The following GPR141 variants were observed in gnomAD, a reference collection of about 807,000 sequenced individuals.
GPR141 encodes probable G protein-coupled receptor 141.
In GPR141, 6 loss-of-function variants were observed where a neutral mutation model predicts 6.8. The ratio of observed to expected loss-of-function variants is 0.88; its 90% CI spans 0.48 to 1.74. The LOEUF (loss-of-function observed/expected upper bound fraction) is 1.74. Ranked by LOEUF, GPR141 falls within the 40% of genes most tolerant of loss-of-function variation. The probability of loss-of-function intolerance (pLI) is 0.01; values close to 1 mark genes in which losing one functional copy is unlikely to be tolerated. For missense variants in GPR141, 372 were observed against 372.9 expected (o/e 1.00, Z 0.02); for synonymous variants, 140 against 142.3 (o/e 0.98, Z 0.11).
chr7:37,722,302 G>A (rs543669329), intron 2 of GPR141, among the ~76,000 whole-genome samples: 10 of 152,216 alleles, frequency 6.6e-5, no homozygotes, highest in South Asian at 4.1e-4. Flanking sequence ...AAAAGTGCAC[G>A]GAAACAGGTC....
chr7:37,718,524 A>AAAGG (rs746595368), intron 2 of GPR141, among the ~76,000 whole-genome samples: 4,389 of 55,374 alleles, frequency 0.079, 93 homozygotes, highest in South Asian at 0.19. Flanking sequence ...AGGAAGGAAG[A>AAAGG]AAGGAAGGAA....
intron 2 of GPR141, among the ~76,000 whole-genome samples, chr7:37,728,820 G>A (rs1192967083): frequency 1.3e-5 from 2 of 152,152 alleles, no homozygotes; most frequent in African/African-American, 2.4e-5. Flanking sequence ...CCAGGATAGG[G>A]CAGAGGCTTG....
In GPR141 at chr7:37,727,110, A is replaced by G. The variant is rs73691176; in HGVS notation, c.-14-13270A>G. On this transcript the variant is annotated intron_variant, in intron 2 of 2. Transcript: ENST00000334425. ...ATTATACATCGAAGTGGATATGCTA[A>G]TTTGTTCTTTGTGATTTGAAATAAC... 2.2e-3 allele frequency among the ~76,000 whole-genome samples: 330 copies of G among 152,288 alleles called. 3 individuals are homozygous for G. Among genetic ancestry groups the G allele is most frequent in the African/African-American group, 7.4e-3 (307 of 41,574 alleles).
chr7:37,718,140 T>TA (rs1423318112), intron 2 of GPR141, among the ~76,000 whole-genome samples: 1 of 151,928 alleles, frequency 6.6e-6, no homozygotes, highest in African/African-American at 2.4e-5. Flanking sequence ...AAATAGTCAC[T>TA]CTCAGCACCC....
intron 2 of GPR141, among the ~76,000 whole-genome samples, chr7:37,738,832 A>C (rs1422604720): frequency 6.6e-6 from 1 of 152,088 alleles, no homozygotes; most frequent in Non-Finnish European, 1.5e-5. Context: ...TTTTTGTCAC[A>C]TTAGTTTTGC....
chr7:37,730,667 ATGGTGT>A (rs1275414072), intron 2 of GPR141, among the ~76,000 whole-genome samples: 1 of 152,134 alleles, frequency 6.6e-6, no homozygotes, highest in African/African-American at 2.4e-5. Context: ...GGCCATGGCC[ATGGTGT>A]TTGTCTCTCA....
At chr7:37,685,747 C>T (rs1196275226) in intron 2 of GPR141, among the ~76,000 whole-genome samples, 164 bp downstream of exon 2, 1 of 142,320 alleles carries the variant, frequency 7.0e-6, no homozygotes, top group African/African-American at 2.7e-5. Flanking sequence ...CTGTGCCTGG[C>T]AGCACTTTTT....
chr7:37,694,013 G>C (rs996459466), intron 2 of GPR141, among the ~76,000 whole-genome samples: 2 of 152,170 alleles, frequency 1.3e-5, no homozygotes, highest in African/African-American at 4.8e-5. Flanking sequence ...ATAGGGCACT[G>C]TTTCGGCTTA....
At chr7:37,728,634 C>T (rs1811755767) in intron 2 of GPR141, among the ~76,000 whole-genome samples, 1 of 151,984 alleles carries the variant, frequency 6.6e-6, no homozygotes, top group South Asian at 2.1e-4. Flanking sequence ...TGGACAATGA[C>T]CACTGAGACC....
chr7:37,726,443 C>T (rs1185477127), intron 2 of GPR141, among the ~76,000 whole-genome samples: 1 of 152,028 alleles, frequency 6.6e-6, no homozygotes, highest in Non-Finnish European at 1.5e-5. Flanking sequence ...GCAATTTAGG[C>T]AATGAAGAGT....
intron 2 of GPR141, among the ~76,000 whole-genome samples, chr7:37,722,780 A>G (rs1265440230): frequency 8.6e-5 from 13 of 151,902 alleles, no homozygotes; most frequent in Admixed American, 3.9e-4. Flanking sequence ...ATTATACATT[A>G]CTAGCAAAAA....
intron 2 of GPR141, among the ~76,000 whole-genome samples, chr7:37,725,581 C>T (rs901252690): frequency 6.6e-6 from 1 of 152,194 alleles, no homozygotes; most frequent in Admixed American, 6.5e-5. Flanking sequence ...AGCTCAGACG[C>T]AATTTCTTTC....
intron 2 of GPR141, among the ~76,000 whole-genome samples, chr7:37,713,996 C>T (rs1810929848): frequency 1.3e-5 from 2 of 151,862 alleles, no homozygotes; most frequent in Non-Finnish European, 2.9e-5. Flanking sequence ...TTTGGTTTGG[C>T]TATGAAGCCA....
At chr7:37,697,560 A>T (rs1810080113) in intron 2 of GPR141, among the ~76,000 whole-genome samples, 1 of 152,184 alleles carries the variant, frequency 6.6e-6, no homozygotes, top group African/African-American at 2.4e-5. Context: ...TGAGTTACGG[A>T]TGTGGACCCT....
At chr7:37,692,095 C>T (rs1273571534) in intron 2 of GPR141, among the ~76,000 whole-genome samples, 2 of 152,046 alleles carry the variant, frequency 1.3e-5, no homozygotes, top group Non-Finnish European at 2.9e-5. Context: ...TTGCTGCACC[C>T]ATTGACCTGT....
At chr7:37,734,353 A>G (rs1300141665) in intron 2 of GPR141, among the ~76,000 whole-genome samples, 2 of 152,266 alleles carry the variant, frequency 1.3e-5, no homozygotes, top group African/African-American at 4.8e-5. Context: ...CACTGCAAAC[A>G]GTAGTAGAAG....
intron 2 of GPR141, among the ~76,000 whole-genome samples, chr7:37,735,847 A>G (rs1215206071): frequency 1.3e-5 from 2 of 152,248 alleles, no homozygotes; most frequent in Non-Finnish European, 2.9e-5. Flanking sequence ...AAAATTTCAC[A>G]AAGTAGAATG....
intron 2 of GPR141, among the ~76,000 whole-genome samples, chr7:37,720,622 TC>T (rs1305465763): frequency 6.6e-6 from 1 of 150,766 alleles, no homozygotes; most frequent in African/African-American, 2.5e-5. Flanking sequence ...GCACCTGTAC[TC>T]CCAGCTACTC....
intron 2 of GPR141, among the ~76,000 whole-genome samples, chr7:37,708,130 C>A (rs2131777403): frequency 6.6e-6 from 1 of 152,110 alleles, no homozygotes; most frequent in East Asian, 1.9e-4. Flanking sequence ...ACCGTCACAG[C>A]AGCCTGACAG....
Sources: allele counts gnomAD v4.1 joint callset (sites outside exome capture counted in the v4.1 genomes callset), GRCh38; gene constraint gnomAD v4.1.1; transcripts MANE v1.5; gene names NCBI Gene and HGNC (gene_info 2026-07-23, HGNC 2026-07-21).